The following RELN variants were observed in gnomAD, a reference collection of about 807,000 sequenced individuals.
RELN encodes reelin.
RELN carries 108 observed loss-of-function variants against 427.6 expected under a neutral mutation model. The ratio of observed to expected loss-of-function variants is 0.25; its 90% CI spans 0.22 to 0.30. RELN has a LOEUF of 0.30. Among genes scored for constraint, RELN ranks in the 10% least tolerant of loss-of-function variants. RELN has a pLI of 1.00. For missense variants in RELN, 3,715 were observed against 4,302.8 expected (o/e 0.86, Z 3.82); for synonymous variants, 1,524 against 1,513.4 (o/e 1.01, Z -0.16).
At chr7:103,917,006 T>A (rs1300420304) in intron 2 of RELN, 69 bp downstream of exon 2, 1 of 1,123,734 alleles carries the variant, frequency 8.9e-7, no homozygotes, top group East Asian at 2.3e-5. Flanking sequence ...TTAAAACAGA[T>A]ACTTTAAAAC....
intron 1 of RELN, among the ~76,000 whole-genome samples, chr7:103,937,062 C>A (rs1796003860): frequency 6.6e-6 from 1 of 152,122 alleles, no homozygotes; most frequent in African/African-American, 2.4e-5. Flanking sequence ...ATTTTACCCT[C>A]CTTATGGATG....
chr7:103,957,270 C>A (rs1048000049), intron 1 of RELN, among the ~76,000 whole-genome samples: 1 of 152,044 alleles, frequency 6.6e-6, no homozygotes, highest in Non-Finnish European at 1.5e-5. Flanking sequence ...TGAAGGAAAA[C>A]GAATTATTCT....
intron 1 of RELN, among the ~76,000 whole-genome samples, chr7:103,959,468 A>T (rs1406124319): frequency 6.6e-6 from 1 of 152,150 alleles, no homozygotes; most frequent in Admixed American, 6.5e-5. Flanking sequence ...CTCAAACTTA[A>T]CATGTTCAAA....
chr7:103,630,661 A>G (rs150959191), intron 19 of RELN, among the ~76,000 whole-genome samples: 17 of 152,278 alleles, frequency 1.1e-4, no homozygotes, highest in African/African-American at 3.6e-4. Flanking sequence ...CGGGAACCAT[A>G]TATTAATTGC....
intron 2 of RELN, among the ~76,000 whole-genome samples, chr7:103,869,513 T>C (rs938691292): frequency 6.6e-6 from 1 of 152,112 alleles, no homozygotes; most frequent in East Asian, 1.9e-4. Context: ...TTTGAGGATA[T>C]TAGTATATTT....
intron 50 of RELN, chr7:103,512,670 A>G (rs965415656): frequency 6.6e-5 from 10 of 152,232 alleles, no homozygotes; most frequent in African/African-American, 2.4e-4. Context: ...CTCTTCTGGA[A>G]GAGATGATTT....
chr7:103,827,313 A>C (rs1211943557), intron 3 of RELN, among the ~76,000 whole-genome samples: 2 of 151,928 alleles, frequency 1.3e-5, no homozygotes, highest in South Asian at 2.1e-4. Context: ...TGTTTATACC[A>C]TGACTTCTTG....
rs182704059 is a variant in RELN, at chr7:103,889,658, G to A, written c.337+27417C>T. On this transcript the variant is annotated intron_variant, in intron 2 of 64. Transcript: ENST00000428762. ...CTTTCCACCTGACAGATTGAGAAAG[G>A]GGGGCAGGGCAGGCAGAGACACTGA... Among the ~76,000 whole-genome samples the A allele has an allele frequency of 9.9e-5, 15 of 152,242 alleles. No individual in the cohort carries two copies. In the South Asian group the frequency reaches 2.7e-3, roughly 27 times the overall value.
chr7:103,512,196 T>C (rs1004634473), intron 50 of RELN, among the ~76,000 whole-genome samples: 1 of 152,200 alleles, frequency 6.6e-6, no homozygotes, highest in Admixed American at 6.5e-5. Flanking sequence ...AACCACCCTA[T>C]TTAATTAGAT....
rs1195315110 is a variant in RELN at position 103,843,135 on chromosome 7, G to A, written c.338-9463C>T. On this transcript the variant is annotated intron_variant, in intron 2 of 64. Transcript: ENST00000428762. ...AGCTGTGAAGAGTAAGTGAGTGTAC[G>A]GCACACAGTGTTGTACATGTTGGCT... Among the ~76,000 whole-genome samples the A allele has an allele frequency of 4.6e-5, 7 of 151,996 alleles. No individual in the cohort carries two copies. In the East Asian group the frequency reaches 1.3e-3, roughly 29 times the overall value.
At chr7:103,763,547 C>A (rs1052401713) in intron 4 of RELN, among the ~76,000 whole-genome samples, 1 of 152,118 alleles carries the variant, frequency 6.6e-6, no homozygotes, top group Non-Finnish European at 1.5e-5. Context: ...TAGGAGGAGA[C>A]ACTTGAACTG....
At chr7:103,945,262 C>A (rs763791517) in intron 1 of RELN, among the ~76,000 whole-genome samples, 60 of 152,104 alleles carry the variant, frequency 3.9e-4, no homozygotes, top group Non-Finnish European at 6.8e-4. Flanking sequence ...CAACCCCTGC[C>A]AAAGAAATCC....
rs1204831191 is a variant in RELN, at chr7:103,636,420, T to A, written c.2118A>T (p.Thr706=). 6.2e-7 allele frequency: 1 copy of A among 1,614,036 alleles called. No homozygotes were observed. The highest frequency in any genetic ancestry group is 2.2e-5 in the East Asian group (1 of 44,832). ...AGCTTTCAGAAATAAACATTGGGAA[T>A]GTCTGGGATGCCATCTCACAAGCTG... The part of the protein sequence containing the change: ...SGPACEMASQ[T]FPMFISESFG... The change falls in exon 18 of 65, where the codon ACA becomes ACT. Residue 706 remains threonine (T), a synonymous_variant. Transcript: ENST00000428762.
chr7:103,868,806 A>G (rs1794260774), intron 2 of RELN, among the ~76,000 whole-genome samples: 1 of 152,066 alleles, frequency 6.6e-6, no homozygotes, highest in Non-Finnish European at 1.5e-5. Context: ...ATACTCACGA[A>G]ATGTTCCTCT....
chr7:103,802,459 C>T (rs1440305850), intron 3 of RELN, among the ~76,000 whole-genome samples: 1 of 152,034 alleles, frequency 6.6e-6, no homozygotes, highest in Non-Finnish European at 1.5e-5. Context: ...CCCTAATTGG[C>T]CTTTTTTGGT....
chr7:103,594,218 T>C (rs1237133737), intron 26 of RELN, 103 bp downstream of exon 26: 1 of 1,157,004 alleles, frequency 8.6e-7, no homozygotes, highest in Non-Finnish European at 1.3e-6. Context: ...AAACTTATAT[T>C]ATACATTCAG....
chr7:103,951,594 C>T (rs1796331963), intron 1 of RELN, among the ~76,000 whole-genome samples: 1 of 152,088 alleles, frequency 6.6e-6, no homozygotes, highest in Non-Finnish European at 1.5e-5. Flanking sequence ...CTTTTTAAAT[C>T]AAATCTTTCA....
At chr7:103,608,337 G>A (rs922523269) in intron 22 of RELN, among the ~76,000 whole-genome samples, 38 of 151,986 alleles carry the variant, frequency 2.5e-4, no homozygotes, top group African/African-American at 8.9e-4. Flanking sequence ...TAGCAATAAT[G>A]TTTAGTTTAA....
intron 2 of RELN, among the ~76,000 whole-genome samples, chr7:103,890,330 C>G (rs1794819825): frequency 6.6e-6 from 1 of 151,972 alleles, no homozygotes; most frequent in South Asian, 2.1e-4. Flanking sequence ...AACAGGTGTC[C>G]CCAACTGCAG....
Sources: gnomAD v4.1 joint callset for allele counts (sites outside exome capture counted in the v4.1 genomes callset) on GRCh38, gnomAD v4.1.1 for gene constraint, MANE v1.5 for transcripts, NCBI Gene and HGNC (gene_info 2026-07-23, HGNC 2026-07-21) for gene names.